JPT1: variants seen among roughly 807,000 people sequenced by gnomAD.
The protein encoded by JPT1 is Jupiter microtubule associated homolog 1.
A neutral mutation model predicts 17.0 loss-of-function variants in JPT1; 5 were observed. That is an observed-to-expected ratio of 0.29 (90% CI 0.15 to 0.62). The LOEUF (loss-of-function observed/expected upper bound fraction) is 0.62, where lower values mean the gene tolerates loss of function less well. Ranked by LOEUF, JPT1 falls within the 20% of genes least tolerant of loss-of-function variation. JPT1 has a pLI of 0.85. For synonymous variants in JPT1, 71 were observed against 73.6 expected, an observed-to-expected ratio of 0.96 and a Z score of 0.18; for missense variants, 158 against 188.1, an observed-to-expected ratio of 0.84 and a Z score of 0.94.
In JPT1 at chr17:75,136,075, G is replaced by A. The variant is rs146926012; in HGVS notation, c.*27C>T. 1 of 1,614,200 alleles carries A rather than the reference G, an allele frequency of 6.2e-7. No individual in the cohort carries two copies. Among genetic ancestry groups the A allele is most frequent in the Admixed American group, 1.7e-5 (1 of 60,024 alleles). ...TTCACAAGCATGGAGGAAACAGACAGAACGACAGCGTTCAGGACAGTCAGA... is the reference window on the plus strand; with the variant it reads ...TTCACAAGCATGGAGGAAACAGACAAAACGACAGCGTTCAGGACAGTCAGA... On this transcript the variant is annotated 3_prime_UTR_variant, in exon 5 of 5. Coordinates refer to ENST00000409753, the MANE Select transcript of JPT1 (RefSeq NM_016185.4).
intron 4 of JPT1, among the ~76,000 whole-genome samples, chr17:75,137,996 G>A (rs377441108): frequency 5.3e-5 from 8 of 149,700 alleles, no homozygotes; most frequent in African/African-American, 2.0e-4. Flanking sequence ...CACACATGTT[G>A]TCCAGGCTAG....
At chr17:75,153,403 C>G (rs2074583556) in intron 1 of JPT1, 2 of 152,246 alleles carry the variant, frequency 1.3e-5, no homozygotes, top group Admixed American at 1.3e-4. Context: ...CCAGGTAGCG[C>G]TACCACGTTA....
rs2074604641 is a variant in JPT1 at position 75,154,461 on chromosome 17, C to A, written c.-64G>T. On this transcript the variant is annotated 5_prime_UTR_variant, in exon 1 of 5. Transcript: ENST00000409753. ...CGCTCAAAGGGTCGGACCCGAGGGGCGCTGGGAAACTCCACACCCAACAGC... is the reference window on the plus strand; with the variant it reads ...CGCTCAAAGGGTCGGACCCGAGGGGAGCTGGGAAACTCCACACCCAACAGC... The A allele has an allele frequency of 2.1e-6, 3 of 1,455,850 alleles. No homozygotes were observed. The highest frequency in any genetic ancestry group is 1.9e-6 in the Non-Finnish European group (2 of 1,076,962). The allele number at this position is 1,455,850 out of a possible 1,614,324, so 90.2% of individuals were successfully genotyped here. A position where few individuals can be genotyped will look rare whatever the true frequency, so the allele number is the denominator to read the frequency against.
At chr17:75,151,707 C>T (rs1000872486) in intron 1 of JPT1, among the ~76,000 whole-genome samples, 2 of 151,932 alleles carry the variant, frequency 1.3e-5, no homozygotes, top group African/African-American at 4.8e-5. Flanking sequence ...CAGTGGCTCA[C>T]GCCTGTAATC....
chr17:75,154,463 C>T lies in JPT1; in HGVS notation c.-66G>A. 6.9e-7 allele frequency: 1 copy of T among 1,451,312 alleles called. No individual in the cohort carries two copies. The highest frequency in any genetic ancestry group is 2.7e-5 in the East Asian group (1 of 37,658). The allele number at this position is 1,451,312 out of a possible 1,614,324, so 89.9% of individuals were successfully genotyped here. A position where few individuals can be genotyped will look rare whatever the true frequency, so the allele number is the denominator to read the frequency against. ...CTCAAAGGGTCGGACCCGAGGGGCG[C>T]TGGGAAACTCCACACCCAACAGCCG... On this transcript the variant is annotated 5_prime_UTR_variant, in exon 1 of 5. Coordinates refer to ENST00000409753, the MANE Select transcript of JPT1 (RefSeq NM_016185.4).
chr17:75,146,517 G>A (rs1255789139), intron 4 of JPT1, 149 bp downstream of exon 4: 5 of 597,096 alleles, frequency 8.4e-6, no homozygotes, highest in South Asian at 2.2e-5. Context: ...CATTGATCGC[G>A]TTACTGGCAG....
Position 75,154,503 on chromosome 17 carries a change from A to AGCC in JPT1, c.-109_-107dup. ...CCCAACAGCCGACCACCGCTGCAGG[A>AGCC]GCCGCCGCTGCCGCCTGTCCGGCCG... On this transcript the variant is annotated 5_prime_UTR_variant, in exon 1 of 5. Transcript: ENST00000409753. The AGCC allele has an allele frequency of 9.6e-7, 1 of 1,040,104 alleles. No individual in the cohort carries two copies. Among genetic ancestry groups the AGCC allele is most frequent in the Non-Finnish European group, 1.4e-6 (1 of 724,256 alleles). 64.4% of individuals were successfully genotyped at this position (1,040,104 alleles called of 1,614,324 possible).
At chr17:75,150,843 CTTTCTTTTTT>C (rs2074535186) in intron 1 of JPT1, among the ~76,000 whole-genome samples, 1 of 111,568 alleles carries the variant, frequency 9.0e-6, no homozygotes, top group Admixed American at 1.0e-4. Flanking sequence ...CAACATTTTT[CTTTCTTTTTT>C]TTTTTTTTTT....
intron 1 of JPT1, among the ~76,000 whole-genome samples, chr17:75,152,236 A>C: frequency 6.6e-6 from 1 of 152,210 alleles, no homozygotes; most frequent in East Asian, 1.9e-4. Context: ...CAACTAAATC[A>C]GGATTATATA....
At chr17:75,137,534 T>A (rs9896254) in intron 4 of JPT1, among the ~76,000 whole-genome samples, 6 of 150,398 alleles carry the variant, frequency 4.0e-5, no homozygotes, top group Non-Finnish European at 5.9e-5. Context: ...TTTTGTTTTT[T>A]TTTTTTTTTT....
intron 1 of JPT1, among the ~76,000 whole-genome samples, chr17:75,151,676 TA>T (rs569963358): frequency 1.4e-5 from 2 of 145,156 alleles, no homozygotes; most frequent in Admixed American, 6.9e-5. Flanking sequence ...ATAAATTAAT[TA>T]AAAAAAATAA....
At chr17:75,145,950 C>T (rs1193960942) in intron 4 of JPT1, 1 of 151,710 alleles carries the variant, frequency 6.6e-6, no homozygotes, top group East Asian at 1.9e-4. Context: ...TGGTGTTGTA[C>T]CCCTGTAGTC....
At chr17:75,136,797 A>G (rs548066970) in intron 4 of JPT1, among the ~76,000 whole-genome samples, 2 of 152,172 alleles carry the variant, frequency 1.3e-5, no homozygotes, top group African/African-American at 4.8e-5. Context: ...GCCCAAGGAC[A>G]TGAAGATTTT....
chr17:75,148,625 C>A lies in JPT1; in HGVS notation c.103G>T (p.Asp35Tyr). 1 of 1,614,118 alleles carries A rather than the reference C, an allele frequency of 6.2e-7. No individual in the cohort carries two copies. Among genetic ancestry groups the A allele is most frequent in the Non-Finnish European group, 8.5e-7 (1 of 1,180,014 alleles). ...CTCACAGGTTGTTCTGTTGGTTCAT[C>A]AAAACCTAATGAAAAATTGGATCCA... is the stretch of plus-strand genomic sequence containing the variant. ...GGGSNFSLGF[D>Y]EPTEQPVRKN... Residue 35 changes from aspartate to tyrosine, a missense_variant, in exon 2 of 5, where the codon GAT (aspartate) becomes TAT (tyrosine). Asp to Tyr is a radical substitution (Grantham distance 160, BLOSUM62 -3). Coordinates refer to ENST00000409753, the MANE Select transcript of JPT1 (RefSeq NM_016185.4).
rs756890671 is a variant in JPT1 at position 75,147,673 on chromosome 17, TTC to T, written c.200-22_200-21del. Reference sequence around the variant, plus strand: ...TGGCACCTAAAAATCAAAATATACTTTCTTCAGAAATACAATAGAAAAAACCT... The same window carrying T: ...TGGCACCTAAAAATCAAAATATACTTTTCAGAAATACAATAGAAAAAACCT... On this transcript the variant is annotated intron_variant, in intron 2 of 4. Transcript: ENST00000409753. The T allele has an allele frequency of 2.5e-6, 4 of 1,583,410 alleles. No individual in the cohort carries two copies. The South Asian group carries it at 4.4e-5, about 18-fold the overall frequency.
intron 1 of JPT1, 23 bp downstream of exon 1, chr17:75,154,319 C>G (rs1031764440): frequency 3.9e-6 from 6 of 1,536,310 alleles, no homozygotes; most frequent in Non-Finnish European, 5.3e-6. Context: ...CCGCGCGGCT[C>G]GGGCGCGACC....
At chr17:75,145,069 CAGG>C (rs1333197110) in intron 4 of JPT1, among the ~76,000 whole-genome samples, 2 of 146,870 alleles carry the variant, frequency 1.4e-5, no homozygotes, top group African/African-American at 2.5e-5. Context: ...GAGGCTGAGC[CAGG>C]AGAAGTGCTT....
At chr17:75,149,143 G>C (rs764091897) in intron 1 of JPT1, 1 of 815,000 alleles carries the variant, frequency 1.2e-6, no homozygotes, top group South Asian at 1.4e-5. Flanking sequence ...TTGAGCCTAG[G>C]AGTTCAAGAC....
intron 1 of JPT1, among the ~76,000 whole-genome samples, chr17:75,152,623 A>C (rs141505276): frequency 3.9e-5 from 6 of 152,340 alleles, no homozygotes; most frequent in Admixed American, 1.3e-4. Flanking sequence ...GTGAGGATTC[A>C]TTTGACCTAA....
Sources: gnomAD v4.1 joint callset for allele counts (sites outside exome capture counted in the v4.1 genomes callset) on GRCh38, gnomAD v4.1.1 for gene constraint, MANE v1.5 for transcripts, NCBI Gene and HGNC (gene_info 2026-07-23, HGNC 2026-07-21) for gene names.